Variants in CTSK observed in about 807,000 individuals in gnomAD.
The protein encoded by CTSK is cathepsin K.
A neutral mutation model predicts 40.5 loss-of-function variants in CTSK; 26 were observed. The ratio of observed to expected loss-of-function variants is 0.64; its 90% CI spans 0.47 to 0.89. The LOEUF is 0.89. Ranked by LOEUF, CTSK falls within the 40% of genes least tolerant of loss-of-function variation. The pLI is 0.00. For synonymous variants in CTSK, 132 were observed against 143.2 expected, an observed-to-expected ratio of 0.92 and a Z score of 0.56; for missense variants, 292 against 400.1, an observed-to-expected ratio of 0.73 and a Z score of 2.30.
At chr1:150,798,870 A>C (rs1257332371) in intron 7 of CTSK, among the ~76,000 whole-genome samples, 1 of 152,188 alleles carries the variant, frequency 6.6e-6, no homozygotes, top group Admixed American at 6.5e-5. Flanking sequence ...AAAAGCTCTG[A>C]GGCCTCATCA....
At position 150,796,540 on chromosome 1, in the gene CTSK, C is replaced by T. The variant is rs1289065777; in HGVS notation, c.*259G>A. On this transcript the variant is annotated 3_prime_UTR_variant, in exon 8 of 8. Coordinates refer to ENST00000271651, the MANE Select transcript of CTSK (RefSeq NM_000396.4). ...CTGGGACAACACAGTCAGGGGCAGG[C>T]TGTAGTCACATCTCTTAGCCTAAGA... The T allele has an allele frequency of 5.2e-6, 3 of 580,708 alleles. No individual in the cohort carries two copies. The highest frequency in any genetic ancestry group is 6.2e-6 in the Non-Finnish European group (2 of 324,236). The allele number at this position is 580,708 out of a possible 1,614,324, so 36.0% of individuals were successfully genotyped here.
At chr1:150,799,858 A>G (rs776874065) in intron 5 of CTSK, 149 bp from the exon 6 acceptor site, 470 of 805,174 alleles carry the variant, frequency 5.8e-4, no homozygotes, top group East Asian at 2.3e-3. Context: ...TCTTCCTCAG[A>G]AAAACGAATA....
intron 5 of CTSK, among the ~76,000 whole-genome samples, chr1:150,802,423 G>A (rs756627344): frequency 1.3e-5 from 2 of 151,740 alleles, no homozygotes; most frequent in African/African-American, 2.4e-5. Flanking sequence ...CAAAAAAAAC[G>A]GTTGTTGTTT....
In CTSK at chr1:150,796,589, C is replaced by A; in HGVS notation, c.*210G>T. 1 of 641,670 alleles carries A rather than the reference C, an allele frequency of 1.6e-6. No individual in the cohort carries two copies. The highest frequency in any genetic ancestry group is 1.8e-5 in the South Asian group (1 of 56,460). The allele number at this position is 641,670 out of a possible 1,614,324, so 39.7% of individuals were successfully genotyped here. A position where few individuals can be genotyped will look rare whatever the true frequency, so the allele number is the denominator to read the frequency against. ...GAGTACACAGCTGTCAGGGAAAGTC[C>A]TGATGGCCACAGTGAAAAAGGTCAT... On this transcript the variant is annotated 3_prime_UTR_variant, in exon 8 of 8. Transcript: ENST00000271651.
chr1:150,806,225 C>T lies in CTSK; in HGVS notation c.121-1G>A, dbSNP rs587663163. ...TTAAACGCCGAGAGATTTCATCCAC[C>T]TAAACAAAGCATAGTCAGTACTTGT... On this transcript the variant is annotated splice_acceptor_variant, in intron 2 of 7. Transcript: ENST00000271651. LOFTEE classifies it high-confidence loss of function. 8 of 1,613,852 alleles carry T rather than the reference C, an allele frequency of 5.0e-6. No individual in the cohort carries two copies. Among genetic ancestry groups the T allele is most frequent in the Non-Finnish European group, 6.8e-6 (8 of 1,179,948 alleles).
chr1:150,805,109 G>A (rs1022935352), intron 4 of CTSK, among the ~76,000 whole-genome samples: 9 of 151,350 alleles, frequency 5.9e-5, no homozygotes, highest in African/African-American at 2.2e-4. Context: ...AGCTACTAGG[G>A]AGGCTGAGGT....
chr1:150,799,162 C>T lies in CTSK; in HGVS notation c.890+6G>A, dbSNP rs886045273. The T allele has an allele frequency of 1.3e-6, 2 of 1,567,298 alleles. No individual in the cohort carries two copies. The highest frequency in any genetic ancestry group is 1.8e-6 in the Non-Finnish European group (2 of 1,137,274). On this transcript the variant is annotated splice_donor_region_variant and intron_variant, in intron 7 of 7. Coordinates refer to ENST00000271651, the MANE Select transcript of CTSK (RefSeq NM_000396.4). ...TGAATAACAAAAGTAGTGTTCCCAT[C>T]ATTACCTGTTTTTAATTATCCAGTG...
intron 6 of CTSK, 51 bp from the exon 7 acceptor site, chr1:150,799,324 T>C (rs1405012002): frequency 1.4e-6 from 2 of 1,408,662 alleles, no homozygotes; most frequent in East Asian, 2.3e-5. Flanking sequence ...AGGGTCACCC[T>C]GTGGGATCTC....
chr1:150,798,611 G>A (rs1332913751), intron 7 of CTSK, among the ~76,000 whole-genome samples: 1 of 152,170 alleles, frequency 6.6e-6, no homozygotes, highest in East Asian at 1.9e-4. Flanking sequence ...TTGGATGTGT[G>A]TCCCCTCCCA....
intron 4 of CTSK, among the ~76,000 whole-genome samples, chr1:150,804,930 G>A (rs587751835): frequency 5.3e-5 from 8 of 152,188 alleles, no homozygotes; most frequent in Admixed American, 3.9e-4. Flanking sequence ...AACTTTTTTG[G>A]GCTGGGCATG....
At chr1:150,802,803 C>T (rs1011915587) in intron 5 of CTSK, among the ~76,000 whole-genome samples, 21 of 151,840 alleles carry the variant, frequency 1.4e-4, no homozygotes, top group African/African-American at 3.6e-4. Flanking sequence ...GAGGCTGAGG[C>T]GAGAGGATTG....
In CTSK at chr1:150,804,145, T is replaced by C. The variant is rs750083111; in HGVS notation, c.494A>G (p.Gln165Arg). The change falls in exon 5 of 8, where the codon CAG (glutamine) becomes CGG (arginine). Residue 165 changes from glutamine to arginine, a missense_variant. Gln to Arg is a conservative substitution (Grantham distance 43, BLOSUM62 1). Coordinates refer to ENST00000271651, the MANE Select transcript of CTSK (RefSeq NM_000396.4). ...KTGKLLNLSP[Q>R]NLVDCVSEND... ...CTCAGACACACAATCCACTAGGTTC[T>C]GGGGACTCAGATTTAAGAGTTTGCC... 1 of 1,614,196 alleles carries C rather than the reference T, an allele frequency of 6.2e-7. No individual in the cohort carries two copies. The highest frequency in any genetic ancestry group is 1.7e-5 in the Admixed American group (1 of 60,024).
intron 7 of CTSK, among the ~76,000 whole-genome samples, chr1:150,798,159 T>C (rs1314755797): frequency 6.6e-6 from 1 of 152,208 alleles, no homozygotes; most frequent in Non-Finnish European, 1.5e-5. Flanking sequence ...CAAGGTACCC[T>C]GGAGTTTTCT....
intron 6 of CTSK, 76 bp from the exon 7 acceptor site, chr1:150,799,349 T>C (rs587670067): frequency 3.9e-6 from 5 of 1,282,130 alleles, no homozygotes; most frequent in South Asian, 1.2e-5. Flanking sequence ...TCTAGGAGAC[T>C]GTTTGAAGAA....
At chr1:150,799,498 T>G in intron 6 of CTSK, 46 bp downstream of exon 6, 1 of 1,608,618 alleles carries the variant, frequency 6.2e-7, no homozygotes, top group Non-Finnish European at 8.5e-7. Flanking sequence ...AACCATCAAG[T>G]TTGTATCATA....
At chr1:150,799,364 A>C (rs1372868965) in intron 6 of CTSK, 91 bp from the exon 7 acceptor site, 4 of 1,257,740 alleles carry the variant, frequency 3.2e-6, no homozygotes, top group Non-Finnish European at 4.7e-6. Context: ...GAAGAATTCC[A>C]TCCGTGTCAG....
Position 150,799,580 on chromosome 1 carries a change from C to A in CTSK, c.748G>T (p.Asp250Tyr). 1 of 1,614,230 alleles carries A rather than the reference C, an allele frequency of 6.2e-7. No homozygotes were observed. The highest frequency in any genetic ancestry group is 8.5e-7 in the Non-Finnish European group (1 of 1,180,040). The change falls in exon 6 of 8, where the codon GAT (aspartate) becomes TAT (tyrosine). Residue 250 changes from aspartate to tyrosine, a missense_variant. Asp to Tyr is a radical substitution (Grantham distance 160, BLOSUM62 -3). Transcript: ENST00000271651. ...AACTGGAAGGAGGTCAGGCTTGCAT[C>A]AATGGCCACAGAGACAGGTCCCACT... The part of the protein sequence containing the change: ...ARVGPVSVAI[D>Y]ASLTSFQFYS...
At position 150,796,662 on chromosome 1, in the gene CTSK, T is replaced by C. The variant is rs200285919; in HGVS notation, c.*137A>G. 2.4e-5 allele frequency: 19 copies of C among 785,966 alleles called. No individual in the cohort carries two copies. Among genetic ancestry groups the C allele is most frequent in the South Asian group, 2.3e-4 (17 of 73,978 alleles). 48.7% of individuals were successfully genotyped at this position (785,966 alleles called of 1,614,324 possible). A position where few individuals can be genotyped will look rare whatever the true frequency, so the allele number is the denominator to read the frequency against. On this transcript the variant is annotated 3_prime_UTR_variant, in exon 8 of 8. Coordinates refer to ENST00000271651, the MANE Select transcript of CTSK (RefSeq NM_000396.4). ...AAGGATCATTTGAAGCACAAACAAA[T>C]GGGGAAACTGAACAGACAATCTCAG...
chr1:150,801,022 T>C (rs1418480374), intron 5 of CTSK: 1 of 152,240 alleles, frequency 6.6e-6, no homozygotes, highest in African/African-American at 2.4e-5. Flanking sequence ...CTCAAAAAGA[T>C]ATTATGTGAT....
Sources: gnomAD v4.1 joint callset for allele counts (sites outside exome capture counted in the v4.1 genomes callset) on GRCh38, gnomAD v4.1.1 for gene constraint, MANE v1.5 for transcripts, NCBI Gene and HGNC (gene_info 2026-07-23, HGNC 2026-07-21) for gene names.